The following IGSF21 variants were observed in gnomAD, a reference collection of about 807,000 sequenced individuals.
IGSF21 encodes the protein immunoglobin superfamily member 21.
A neutral mutation model predicts 46.8 loss-of-function variants in IGSF21; 28 were observed. That is an observed-to-expected ratio of 0.60 (90% CI 0.44 to 0.82). The LOEUF (loss-of-function observed/expected upper bound fraction) is 0.82, where lower values mean the gene tolerates loss of function less well. Among genes scored for constraint, IGSF21 ranks in the 40% least tolerant of loss-of-function variants. IGSF21 has a pLI of 0.00. For synonymous variants in IGSF21, 284 were observed against 273.6 expected (o/e 1.04, Z -0.38); for missense variants, 624 against 665.5 (o/e 0.94, Z 0.69).
intron 3 of IGSF21, among the ~76,000 whole-genome samples, chr1:18,327,984 A>G (rs117660941): frequency 6.6e-6 from 1 of 152,246 alleles, no homozygotes; most frequent in East Asian, 1.9e-4. Flanking sequence ...AACCCCTAAG[A>G]CTCGACAGGA....
At chr1:18,199,463 G>C (rs189371755) in intron 1 of IGSF21, among the ~76,000 whole-genome samples, 1 of 152,114 alleles carries the variant, frequency 6.6e-6, no homozygotes, top group Admixed American at 6.5e-5. Context: ...ACATCCAGGC[G>C]CCCCTCGGAT....
chr1:18,197,603 G>A (rs1326133080), intron 1 of IGSF21, among the ~76,000 whole-genome samples: 1 of 152,204 alleles, frequency 6.6e-6, no homozygotes, highest in Non-Finnish European at 1.5e-5. Context: ...GTCACTGGGT[G>A]TGAAGGACAA....
intron 6 of IGSF21, among the ~76,000 whole-genome samples, chr1:18,367,396 G>A (rs2086177096): frequency 6.6e-6 from 1 of 151,876 alleles, no homozygotes; most frequent in South Asian, 2.1e-4. Flanking sequence ...GCAAAACTGA[G>A]GCTCAAGTTG....
intron 2 of IGSF21, among the ~76,000 whole-genome samples, chr1:18,273,784 G>A (rs1161440201): frequency 6.6e-6 from 1 of 151,864 alleles, no homozygotes; most frequent in Non-Finnish European, 1.5e-5. Flanking sequence ...AATAAACCAG[G>A]CCTCCTGCAG....
intron 1 of IGSF21, among the ~76,000 whole-genome samples, chr1:18,186,071 G>A (rs1321071852): frequency 1.3e-5 from 2 of 152,216 alleles, no homozygotes; most frequent in African/African-American, 2.4e-5. Flanking sequence ...AGTGAGGTGA[G>A]TGATGAGCTG....
intron 9 of IGSF21, 62 bp downstream of exon 9, chr1:18,377,493 C>T: frequency 7.3e-7 from 1 of 1,373,268 alleles, no homozygotes; most frequent in South Asian, 1.2e-5. Context: ...CGCCAGAAAG[C>T]TCTGGTCCCC....
chr1:18,330,876 C>A (rs928896841), intron 3 of IGSF21, among the ~76,000 whole-genome samples: 1 of 152,200 alleles, frequency 6.6e-6, no homozygotes, highest in Non-Finnish European at 1.5e-5. Context: ...ACCTCTGCCA[C>A]CATTGACTTC....
chr1:18,298,587 G>A (rs1337283241), intron 3 of IGSF21, among the ~76,000 whole-genome samples: 1 of 152,208 alleles, frequency 6.6e-6, no homozygotes, highest in African/African-American at 2.4e-5. Context: ...CCAATGCTGG[G>A]CTGCACCTTT....
At chr1:18,141,109 AGGACAGGATGCTG>A (rs1165122073) in intron 1 of IGSF21, among the ~76,000 whole-genome samples, 1 of 152,206 alleles carries the variant, frequency 6.6e-6, no homozygotes, top group Non-Finnish European at 1.5e-5. Context: ...GTCACCCAGC[AGGACAGGATGCTG>A]GGACAAGTGG....
chr1:18,238,882 A>G (rs966914824), intron 2 of IGSF21, among the ~76,000 whole-genome samples: 1 of 152,202 alleles, frequency 6.6e-6, no homozygotes, highest in Non-Finnish European at 1.5e-5. Flanking sequence ...CATAGGTAAA[A>G]TAAAAGCGTG....
intron 3 of IGSF21, among the ~76,000 whole-genome samples, chr1:18,333,458 C>T (rs1394707606): frequency 6.6e-6 from 1 of 152,208 alleles, no homozygotes; most frequent in Non-Finnish European, 1.5e-5. Flanking sequence ...AATGGCCCCT[C>T]TATCCATTTG....
intron 1 of IGSF21, among the ~76,000 whole-genome samples, chr1:18,214,749 T>A (rs1173148142): frequency 6.6e-6 from 1 of 152,056 alleles, no homozygotes. Flanking sequence ...TGGTTTCTGT[T>A]TTTTGAGACG....
At chr1:18,233,681 A>T (rs760068835) in intron 2 of IGSF21, among the ~76,000 whole-genome samples, 3 of 152,206 alleles carry the variant, frequency 2.0e-5, no homozygotes, top group Non-Finnish European at 4.4e-5. Flanking sequence ...AAATTATAGA[A>T]TAAGAGGGGA....
chr1:18,229,600 C>A (rs2084603894), intron 2 of IGSF21, among the ~76,000 whole-genome samples: 1 of 152,228 alleles, frequency 6.6e-6, no homozygotes, highest in Admixed American at 6.5e-5. Context: ...GTGCCCTCCA[C>A]CCAAGCTCTT....
At chr1:18,341,012 CTCTTCTTCTTCTTCTTCT>C (rs10536109) in intron 4 of IGSF21, among the ~76,000 whole-genome samples, 1 of 84,984 alleles carries the variant, frequency 1.2e-5, no homozygotes, top group African/African-American at 5.1e-5. Flanking sequence ...CCTCCTTCTT[CTCTTCTTCTTCTTCTTCT>C]TCTTCTTCTT....
chr1:18,345,286 A>C (rs1308565500), intron 4 of IGSF21, among the ~76,000 whole-genome samples: 2 of 152,216 alleles, frequency 1.3e-5, no homozygotes, highest in Non-Finnish European at 2.9e-5. Flanking sequence ...TTCCTTAGAG[A>C]GTTGAGGAGT....
At chr1:18,238,338 C>A (rs976824090) in intron 2 of IGSF21, among the ~76,000 whole-genome samples, 1 of 152,154 alleles carries the variant, frequency 6.6e-6, no homozygotes, top group Non-Finnish European at 1.5e-5. Flanking sequence ...CAACCTTAGG[C>A]AGGAAGAGCT....
Position 18,362,248 on chromosome 1 carries a change from GC to G in IGSF21, c.540+21del. On this transcript the variant is annotated intron_variant, in intron 5 of 9. Coordinates refer to ENST00000251296, the MANE Select transcript of IGSF21 (RefSeq NM_032880.5). ...CACCCATGGTGAGTACCCCTGGAGT[GC>G]CCAGCTCCTTCCTATCTGCCGGACC... 1 of 1,559,534 alleles carries G rather than the reference GC, an allele frequency of 6.4e-7. No individual in the cohort carries two copies. Among genetic ancestry groups the G allele is most frequent in the Non-Finnish European group, 8.8e-7 (1 of 1,136,716 alleles).
intron 1 of IGSF21, among the ~76,000 whole-genome samples, chr1:18,138,714 C>A (rs2086388471): frequency 6.6e-6 from 1 of 152,186 alleles, no homozygotes. Context: ...AGTGCTCTCA[C>A]AGCAGACTTC....
Sources: gnomAD v4.1 joint callset for allele counts (sites outside exome capture counted in the v4.1 genomes callset) on GRCh38, gnomAD v4.1.1 for gene constraint, MANE v1.5 for transcripts, NCBI Gene and HGNC (gene_info 2026-07-23, HGNC 2026-07-21) for gene names.